VWA8: variants seen among roughly 807,000 people sequenced by gnomAD.
VWA8 encodes the protein von Willebrand factor A domain containing 8, also known as von Willebrand factor A domain-containing protein 8.
Under a neutral mutation model 241.5 loss-of-function variants are expected in VWA8, and 221 were observed. The observed-to-expected ratio is 0.91, with a 90% CI of 0.82 to 1.02. The LOEUF (loss-of-function observed/expected upper bound fraction) is 1.02. VWA8 is among the 50% of genes least tolerant of loss of function. The pLI is 0.00. For missense variants in VWA8, 2,322 were observed against 2,328.7 expected, an observed-to-expected ratio of 1.00 and a Z score of 0.06; for synonymous variants, 852 against 827.1, an observed-to-expected ratio of 1.03 and a Z score of -0.52.
chr13:41,898,747 C>A lies in VWA8; in HGVS notation c.484-7160G>T, dbSNP rs563429612. On this transcript the variant is annotated intron_variant, in intron 4 of 44. Transcript: ENST00000379310. The stretch of plus-strand genomic sequence containing the variant: ...CCGCGGGAAGGCAGCTAAGGCCCGG[C>A]GAGAAATCGAGCGCAGCGCCGGTGG... Among the ~76,000 whole-genome samples the A allele has an allele frequency of 6.8e-3, 1,031 of 152,296 alleles. 46 individuals are homozygous for A. Among genetic ancestry groups the A allele is most frequent in the Admixed American group, 0.065 (994 of 15,300 alleles).
chr13:41,758,423 T>C (rs1290652870), intron 21 of VWA8, among the ~76,000 whole-genome samples: 2 of 117,354 alleles, frequency 1.7e-5, no homozygotes, highest in African/African-American at 5.7e-5. Flanking sequence ...TATATATATA[T>C]ATATATACGC....
At chr13:41,618,725 T>C (rs2044637682) in intron 37 of VWA8, among the ~76,000 whole-genome samples, 1 of 152,230 alleles carries the variant, frequency 6.6e-6, no homozygotes, top group African/African-American at 2.4e-5. Context: ...CATTATTAAA[T>C]AGGGAATCCT....
At chr13:41,674,266 G>T (rs1042914074) in intron 36 of VWA8, among the ~76,000 whole-genome samples, 4 of 152,094 alleles carry the variant, frequency 2.6e-5, no homozygotes, top group Admixed American at 6.6e-5. Flanking sequence ...TTGGAGAAGG[G>T]GGAAGAAAGG....
chr13:41,635,697 GT>G (rs1414404371), intron 37 of VWA8, among the ~76,000 whole-genome samples: 1 of 152,136 alleles, frequency 6.6e-6, no homozygotes, highest in Admixed American at 6.6e-5. Flanking sequence ...TCAGCCAGGG[GT>G]CAGCACAATA....
At chr13:41,684,950 A>C (rs1301639259) in intron 35 of VWA8, 97 bp downstream of exon 35, 1 of 1,079,304 alleles carries the variant, frequency 9.3e-7, no homozygotes, top group Non-Finnish European at 1.3e-6. Flanking sequence ...CAATTTTTAT[A>C]AGTATGAAAT....
At chr13:41,696,186 T>C (rs996575142) in intron 29 of VWA8, 3 of 152,188 alleles carry the variant, frequency 2.0e-5, no homozygotes, top group Non-Finnish European at 2.9e-5. Flanking sequence ...TTATAAACAA[T>C]ATCTGGATGT....
chr13:41,819,384 G>A lies in VWA8; in HGVS notation c.1703C>T (p.Ser568Phe). 6.3e-7 allele frequency: 1 copy of A among 1,589,572 alleles called. No homozygotes were observed. The highest frequency in any genetic ancestry group is 8.5e-7 in the Non-Finnish European group (1 of 1,174,194). ...QLSDEQLQKRSIFPIHPSFRI... is the reference protein window; with the variant it reads ...QLSDEQLQKRFIFPIHPSFRI... ...GAAGGAGGGATGGATAGGAAAAATGGATCTAAAATAGGAAAAAAAATGAAA... is the reference window on the plus strand; with the variant it reads ...GAAGGAGGGATGGATAGGAAAAATGAATCTAAAATAGGAAAAAAAATGAAA... The change falls in exon 15 of 45, where the codon TCC becomes TTC. Residue 568 changes from serine (S) to phenylalanine (F), a missense_variant and splice_region_variant. Transcript: ENST00000379310.
intron 25 of VWA8, among the ~76,000 whole-genome samples, 169 bp downstream of exon 25, chr13:41,721,201 A>C (rs1181665727): frequency 6.6e-6 from 1 of 152,162 alleles, no homozygotes; most frequent in Non-Finnish European, 1.5e-5. Flanking sequence ...ACAGATAATA[A>C]TGTTCATTGG....
intron 17 of VWA8, 74 bp downstream of exon 17, chr13:41,811,151 C>T: frequency 7.9e-7 from 1 of 1,270,440 alleles, no homozygotes; most frequent in African/African-American, 1.5e-5. Context: ...GGAATATGCA[C>T]CATCAGTTAA....
chr13:41,756,324 AT>A (rs1422257920), intron 21 of VWA8, among the ~76,000 whole-genome samples: 2 of 151,790 alleles, frequency 1.3e-5, no homozygotes, highest in Non-Finnish European at 3.0e-5. Context: ...TACTTGTTAT[AT>A]TTCATTGTCT....
In VWA8 at chr13:41,907,666, C is replaced by T; in HGVS notation, c.403G>A (p.Ala135Thr). 6 of 1,614,146 alleles carry T rather than the reference C, an allele frequency of 3.7e-6. No homozygotes were observed. The highest frequency in any genetic ancestry group is 5.1e-6 in the Non-Finnish European group (6 of 1,180,004). Residue 135 changes from alanine (A) to threonine (T), a missense_variant, in exon 4 of 45, where the codon GCC (alanine) becomes ACC (threonine). Physicochemically the swap from Ala to Thr is moderately conservative, Grantham distance 58. Transcript: ENST00000379310. ...GTTTCAGTGGTGTCCCTTGACAGGGCAATGTATTCGACCTCCCGTTTGGTC... is the reference window on the plus strand; with the variant it reads ...GTTTCAGTGGTGTCCCTTGACAGGGTAATGTATTCGACCTCCCGTTTGGTC... Reference protein sequence around the residue: ...ELTKREVEYIALSRDTTETDL... With the variant: ...ELTKREVEYITLSRDTTETDL...
chr13:41,785,484 TAC>T (rs1034030102), intron 18 of VWA8, among the ~76,000 whole-genome samples: 5 of 152,062 alleles, frequency 3.3e-5, no homozygotes, highest in African/African-American at 1.2e-4. Flanking sequence ...GTAAGAAAAT[TAC>T]AGTTTGTTTC....
At chr13:41,597,720 T>C (rs542578410) in intron 40 of VWA8, among the ~76,000 whole-genome samples, 3 of 151,954 alleles carry the variant, frequency 2.0e-5, no homozygotes, top group Admixed American at 6.6e-5. Flanking sequence ...ATAACAGGCA[T>C]CTTATACTTC....
At chr13:41,687,190 T>C (rs1566415052) in intron 34 of VWA8, among the ~76,000 whole-genome samples, 1 of 152,168 alleles carries the variant, frequency 6.6e-6, no homozygotes, top group African/African-American at 2.4e-5. Context: ...AGCTCAAATT[T>C]TAAATTTTGA....
chr13:41,783,376 A>G (rs2137936354), intron 19 of VWA8, among the ~76,000 whole-genome samples: 1 of 152,112 alleles, frequency 6.6e-6, no homozygotes. Flanking sequence ...ATGGTGGCTC[A>G]CGCCTGTAAT....
At chr13:41,959,505 A>C (rs565388713) in intron 1 of VWA8, among the ~76,000 whole-genome samples, 4 of 150,896 alleles carry the variant, frequency 2.7e-5, no homozygotes, top group African/African-American at 4.9e-5. Flanking sequence ...AAAAAAAAAA[A>C]AAAAACAAAA....
chr13:41,907,499 A>T, intron 4 of VWA8, 87 bp downstream of exon 4: 1 of 1,144,134 alleles, frequency 8.7e-7, no homozygotes, highest in Non-Finnish European at 1.3e-6. Context: ...TTTTACTGTT[A>T]TATGAGCTAC....
intron 12 of VWA8, among the ~76,000 whole-genome samples, chr13:41,836,841 C>T (rs777594153): frequency 1.1e-4 from 16 of 152,054 alleles, no homozygotes; most frequent in Admixed American, 3.3e-4. Context: ...TATAGCTCAC[C>T]GCTATAAATG....
chr13:41,931,663 A>G (rs1300377837), intron 2 of VWA8, among the ~76,000 whole-genome samples: 1 of 152,092 alleles, frequency 6.6e-6, no homozygotes, highest in Non-Finnish European at 1.5e-5. Context: ...CTATCTATAT[A>G]TATCTCATAA....
Sources: allele counts gnomAD v4.1 joint callset (sites outside exome capture counted in the v4.1 genomes callset), GRCh38; gene constraint gnomAD v4.1.1; transcripts MANE v1.5; gene names NCBI Gene and HGNC (gene_info 2026-07-23, HGNC 2026-07-21).